SGCZ: variants seen among roughly 807,000 people sequenced by gnomAD.
SGCZ encodes the protein sarcoglycan zeta.
In SGCZ, 40 loss-of-function variants were observed where a neutral mutation model predicts 41.3. The ratio of observed to expected loss-of-function variants is 0.97; its 90% CI spans 0.75 to 1.26. The LOEUF is 1.26. SGCZ is among the 50% of genes most tolerant of loss of function. The pLI is 0.00. For synonymous variants in SGCZ, 206 were observed against 137.5 expected, an observed-to-expected ratio of 1.50 and a Z score of -3.49; for missense variants, 552 against 369.8, an observed-to-expected ratio of 1.49 and a Z score of -4.04.
At chr8:14,926,763 C>T (rs28652841) in intron 1 of SGCZ, among the ~76,000 whole-genome samples, 18,539 of 151,952 alleles carry the variant, frequency 0.12, 1,293 homozygotes, top group African/African-American at 0.19. Flanking sequence ...GCCTCAGCCT[C>T]CCAAGTAGCT....
intron 1 of SGCZ, among the ~76,000 whole-genome samples, chr8:14,664,382 T>C (rs1807842372): frequency 6.6e-6 from 1 of 152,220 alleles, no homozygotes; most frequent in Non-Finnish European, 1.5e-5. Flanking sequence ...GACCATATTT[T>C]ACTCATCTTG....
At chr8:14,793,996 A>G (rs1452496600) in intron 1 of SGCZ, among the ~76,000 whole-genome samples, 1 of 152,192 alleles carries the variant, frequency 6.6e-6, no homozygotes, top group Non-Finnish European at 1.5e-5. Flanking sequence ...AAACCAAAAA[A>G]CTGGAATACT....
chr8:15,054,245 T>G (rs1804623252), intron 1 of SGCZ, among the ~76,000 whole-genome samples: 1 of 152,250 alleles, frequency 6.6e-6, no homozygotes, highest in Non-Finnish European at 1.5e-5. Context: ...ATTTTTAAAA[T>G]AGTCACCCAC....
chr8:14,808,052 C>A (rs1009262821), intron 1 of SGCZ, among the ~76,000 whole-genome samples: 1 of 151,978 alleles, frequency 6.6e-6, no homozygotes, highest in Non-Finnish European at 1.5e-5. Context: ...AACTGGATCC[C>A]TTCCTTACAC....
chr8:15,065,627 C>T (rs762488817), intron 1 of SGCZ, among the ~76,000 whole-genome samples: 3 of 151,626 alleles, frequency 2.0e-5, no homozygotes, highest in African/African-American at 7.3e-5. Context: ...TCGGTAGAGA[C>T]AGGGTTTTGC....
At chr8:14,547,600 G>A (rs1402665471) in intron 2 of SGCZ, among the ~76,000 whole-genome samples, 1 of 152,096 alleles carries the variant, frequency 6.6e-6, no homozygotes, top group Non-Finnish European at 1.5e-5. Flanking sequence ...CATTAATTGA[G>A]TGTTTACTCT....
intron 1 of SGCZ, among the ~76,000 whole-genome samples, chr8:14,831,860 G>C (rs1802545864): frequency 6.6e-6 from 1 of 151,978 alleles, no homozygotes; most frequent in African/African-American, 2.4e-5. Flanking sequence ...ATATAAGTAT[G>C]TATATGTGTG....
intron 1 of SGCZ, among the ~76,000 whole-genome samples, chr8:14,794,093 T>A (rs990168860): frequency 6.6e-6 from 1 of 152,124 alleles, no homozygotes; most frequent in African/African-American, 2.4e-5. Flanking sequence ...ACAAAGATCA[T>A]CTTCAAGGAA....
At chr8:15,054,199 G>T (rs2130998361) in intron 1 of SGCZ, among the ~76,000 whole-genome samples, 1 of 152,204 alleles carries the variant, frequency 6.6e-6, no homozygotes, top group East Asian at 1.9e-4. Context: ...AATAATAATT[G>T]CTTATTTTCA....
chr8:14,105,901 TAAAAA>T (rs536674155), intron 6 of SGCZ, among the ~76,000 whole-genome samples: 1 of 151,808 alleles, frequency 6.6e-6, no homozygotes, highest in South Asian at 2.1e-4. Context: ...ACGTTAGAAA[TAAAAA>T]AAAGTTCTTT....
At chr8:15,176,740 G>A (rs1034779163) in intron 1 of SGCZ, among the ~76,000 whole-genome samples, 5 of 152,168 alleles carry the variant, frequency 3.3e-5, no homozygotes, top group African/African-American at 4.8e-5. Context: ...AGTGGCTCAC[G>A]CCTGTAATCC....
intron 1 of SGCZ, among the ~76,000 whole-genome samples, chr8:14,804,655 A>G (rs371085470): frequency 7.0e-5 from 10 of 143,062 alleles, no homozygotes; most frequent in East Asian, 2.2e-4. Flanking sequence ...AAAACACTCT[A>G]CAGGATATTA....
intron 1 of SGCZ, among the ~76,000 whole-genome samples, chr8:14,857,658 G>C (rs935749121): frequency 1.3e-5 from 2 of 152,146 alleles, no homozygotes; most frequent in African/African-American, 4.8e-5. Flanking sequence ...GAGGTCAGGA[G>C]TTTGAGACCA....
chr8:14,358,239 C>T (rs577245020), intron 2 of SGCZ, among the ~76,000 whole-genome samples: 31 of 152,214 alleles, frequency 2.0e-4, no homozygotes, highest in Non-Finnish European at 2.9e-4. Context: ...AATATATTAT[C>T]GCATTTTGTA....
chr8:15,122,726 T>C (rs925484014), intron 1 of SGCZ, among the ~76,000 whole-genome samples: 4 of 152,188 alleles, frequency 2.6e-5, no homozygotes, highest in African/African-American at 9.7e-5. Context: ...CTTTTTATAC[T>C]ACTAAAAAAA....
At chr8:14,831,797 C>CATACATGTATATATGTGTACAT (rs1156230698) in intron 1 of SGCZ, among the ~76,000 whole-genome samples, 1 of 134,844 alleles carries the variant, frequency 7.4e-6, no homozygotes, top group African/African-American at 3.1e-5. Context: ...TGTGTGTACA[C>CATACATGTATATATGTGTACAT]ATACATGTAT....
intron 7 of SGCZ, among the ~76,000 whole-genome samples, chr8:14,095,423 C>G (rs1801812619): frequency 6.6e-6 from 1 of 152,090 alleles, no homozygotes; most frequent in Non-Finnish European, 1.5e-5. Flanking sequence ...TGTCAAAGTT[C>G]AGATGGTCGT....
chr8:14,518,731 C>T (rs1238861381), intron 2 of SGCZ, among the ~76,000 whole-genome samples: 5 of 151,822 alleles, frequency 3.3e-5, no homozygotes, highest in South Asian at 2.1e-4. Context: ...ACATGCTATC[C>T]TAATCCCTTA....
intron 1 of SGCZ, among the ~76,000 whole-genome samples, chr8:14,624,555 A>ATTATTATTTTTTTTTTT (rs1438250019): frequency 1.0e-4 from 10 of 96,240 alleles, no homozygotes; most frequent in Non-Finnish European, 1.8e-4. Context: ...TATTATTATT[A>ATTATTATTTTTTTTTTT]TTTTTTTTTT....
Sources: gnomAD v4.1 joint callset for allele counts (sites outside exome capture counted in the v4.1 genomes callset) on GRCh38, gnomAD v4.1.1 for gene constraint, MANE v1.5 for transcripts, NCBI Gene and HGNC (gene_info 2026-07-23, HGNC 2026-07-21) for gene names.